The following ADAMTSL1 variants were observed in gnomAD, a reference collection of about 807,000 sequenced individuals.
The protein encoded by ADAMTSL1 is ADAMTS like 1, also known as ADAMTS-like protein 1.
A neutral mutation model predicts 201.8 loss-of-function variants in ADAMTSL1; 126 were observed. That is an observed-to-expected ratio of 0.62 (90% CI 0.54 to 0.72). ADAMTSL1 has a LOEUF of 0.72. ADAMTSL1 is among the 30% of genes least tolerant of loss of function. The probability of loss-of-function intolerance (pLI) is 0.00; values close to 1 mark genes in which losing one functional copy is unlikely to be tolerated. For missense variants in ADAMTSL1, 2,679 were observed against 2,277.8 expected (o/e 1.18, Z -3.59); for synonymous variants, 1,121 against 903.4 (o/e 1.24, Z -4.32).
intron 2 of ADAMTSL1, among the ~76,000 whole-genome samples, chr9:18,368,661 T>G (rs1259176441): frequency 6.6e-6 from 1 of 152,210 alleles, no homozygotes; most frequent in Non-Finnish European, 1.5e-5. Context: ...AAGTTTTTTA[T>G]GTTATTTTTA....
intron 1 of ADAMTSL1, among the ~76,000 whole-genome samples, chr9:18,102,898 A>G (rs1250216423): frequency 1.3e-5 from 2 of 152,218 alleles, no homozygotes; most frequent in South Asian, 2.1e-4. Context: ...GTGGAGGGTC[A>G]GTCAGAGAGG....
At chr9:17,915,172 C>T (rs1377694208) in intron 1 of ADAMTSL1, among the ~76,000 whole-genome samples, 1 of 152,196 alleles carries the variant, frequency 6.6e-6, no homozygotes, top group East Asian at 1.9e-4. Flanking sequence ...TTTGCAATGT[C>T]TTCCTCCCTC....
At chr9:18,485,668 G>A (rs79977103) in intron 1 of ADAMTSL1, among the ~76,000 whole-genome samples, 3 of 152,206 alleles carry the variant, frequency 2.0e-5, no homozygotes, top group East Asian at 1.9e-4. Context: ...GGCATTGCCA[G>A]CAGAGGGACT....
chr9:17,934,007 C>A (rs998541959), intron 1 of ADAMTSL1, among the ~76,000 whole-genome samples: 1 of 152,096 alleles, frequency 6.6e-6, no homozygotes, highest in East Asian at 1.9e-4. Flanking sequence ...TTTGTCTTTA[C>A]GGTATTAACT....
intron 1 of ADAMTSL1, among the ~76,000 whole-genome samples, chr9:18,145,580 C>A (rs1372702864): frequency 3.9e-5 from 6 of 152,138 alleles, no homozygotes; most frequent in African/African-American, 1.4e-4. Context: ...CAGACACAGA[C>A]CTCATATCTT....
chr9:18,175,567 G>A (rs552919567), intron 2 of ADAMTSL1, among the ~76,000 whole-genome samples: 1 of 152,096 alleles, frequency 6.6e-6, no homozygotes, highest in Admixed American at 6.6e-5. Context: ...GAACTTCTTA[G>A]CTTCAACTTT....
intron 26 of ADAMTSL1, among the ~76,000 whole-genome samples, chr9:18,900,838 G>C (rs1829974610): frequency 6.6e-6 from 1 of 152,152 alleles, no homozygotes; most frequent in Admixed American, 6.5e-5. Flanking sequence ...TTCTGGGCTT[G>C]ATACCCAGCT....
chr9:17,963,684 G>A (rs1436278135), intron 1 of ADAMTSL1, among the ~76,000 whole-genome samples: 2 of 152,146 alleles, frequency 1.3e-5, no homozygotes, highest in Non-Finnish European at 2.9e-5. Context: ...GTAACATCAA[G>A]TAGTGCAGAT....
In ADAMTSL1 at chr9:18,657,765, T is replaced by C. The variant is rs1828791531; in HGVS notation, c.946+15T>C. ...CTGTGGAGGAGGTAATGGTGTTCACTTAGTCTAAAAACTGTTGGCTTCTGT... is the reference window on the plus strand; with the variant it reads ...CTGTGGAGGAGGTAATGGTGTTCACCTAGTCTAAAAACTGTTGGCTTCTGT... On this transcript the variant is annotated intron_variant, in intron 8 of 28. Coordinates refer to ENST00000380548, the MANE Select transcript of ADAMTSL1 (RefSeq NM_001040272.6). The C allele has an allele frequency of 6.2e-7, 1 of 1,600,342 alleles. No homozygotes were observed. Among genetic ancestry groups the C allele is most frequent in the South Asian group, 1.1e-5 (1 of 90,826 alleles).
intron 2 of ADAMTSL1, among the ~76,000 whole-genome samples, chr9:18,202,763 T>C (rs897300057): frequency 1.3e-5 from 2 of 152,202 alleles, no homozygotes; most frequent in Non-Finnish European, 2.9e-5. Context: ...GCCAGGATAG[T>C]GTCTTCTTTG....
intron 13 of ADAMTSL1, among the ~76,000 whole-genome samples, chr9:18,688,882 A>G (rs1831038109): frequency 6.6e-6 from 1 of 150,656 alleles, no homozygotes; most frequent in African/African-American, 2.4e-5. Flanking sequence ...CGAGGGTAAT[A>G]GCAGTGCCGT....
chr9:18,169,806 A>G (rs1827809890), intron 2 of ADAMTSL1, among the ~76,000 whole-genome samples: 1 of 152,064 alleles, frequency 6.6e-6, no homozygotes, highest in African/African-American at 2.4e-5. Context: ...TTCATTGAGC[A>G]GTGGTTTGTA....
chr9:18,441,804 A>G lies in ADAMTSL1; in HGVS notation c.208-63025A>G, dbSNP rs554550513. Among the ~76,000 whole-genome samples, 25 of 152,326 alleles carry G rather than the reference A, an allele frequency of 1.6e-4. No homozygotes were observed. The South Asian group carries it at 4.8e-3, about 29-fold the overall frequency. On this transcript the variant is annotated intron_variant, in intron 2 of 29. Coordinates refer to the ADAMTSL1 transcript ENST00000680146. ...TAACATTTTGAAATACAGTTTCTCCAAATGGTTGAGAGAATACAGTTTTGA... is the reference window on the plus strand; with the variant it reads ...TAACATTTTGAAATACAGTTTCTCCGAATGGTTGAGAGAATACAGTTTTGA...
intron 1 of ADAMTSL1, among the ~76,000 whole-genome samples, chr9:18,160,667 T>TTTAA (rs67128870): frequency 5.4e-4 from 82 of 150,492 alleles, no homozygotes; most frequent in African/African-American, 1.7e-3. Context: ...TATTTCTTTT[T>TTTAA]TTAATTAATT....
chr9:18,280,714 G>T (rs150106556), intron 2 of ADAMTSL1, among the ~76,000 whole-genome samples: 1 of 152,058 alleles, frequency 6.6e-6, no homozygotes, highest in Admixed American at 6.5e-5. Flanking sequence ...TATTAGTTAC[G>T]TAGAAATATA....
intron 1 of ADAMTSL1, among the ~76,000 whole-genome samples, chr9:17,997,587 C>T (rs1172881661): frequency 2.6e-5 from 4 of 151,972 alleles, no homozygotes; most frequent in African/African-American, 9.7e-5. Flanking sequence ...AAAAATATTT[C>T]TCAGCAGGGC....
intron 16 of ADAMTSL1, among the ~76,000 whole-genome samples, chr9:18,760,976 G>T (rs1218636424): frequency 6.6e-6 from 1 of 152,126 alleles, no homozygotes; most frequent in East Asian, 1.9e-4. Flanking sequence ...TCCCTCACTG[G>T]ACTGCAAATA....
chr9:18,611,528 T>G (rs1471064259), intron 4 of ADAMTSL1, among the ~76,000 whole-genome samples: 1 of 152,068 alleles, frequency 6.6e-6, no homozygotes, highest in Non-Finnish European at 1.5e-5. Context: ...TAGCAAAAAA[T>G]TTATGTAAGA....
At chr9:18,565,158 C>T (rs1419706939) in intron 3 of ADAMTSL1, among the ~76,000 whole-genome samples, 1 of 152,174 alleles carries the variant, frequency 6.6e-6, no homozygotes, top group African/African-American at 2.4e-5. Flanking sequence ...TTATATCACA[C>T]ATTTCATATC....
Sources: allele counts gnomAD v4.1 joint callset (sites outside exome capture counted in the v4.1 genomes callset), GRCh38; gene constraint gnomAD v4.1.1; transcripts MANE v1.5; gene names NCBI Gene and HGNC (gene_info 2026-07-23, HGNC 2026-07-21).